The following PTK2B variants were observed in gnomAD, a reference collection of about 807,000 sequenced individuals.
The protein encoded by PTK2B is protein-tyrosine kinase 2-beta.
In PTK2B, 71 loss-of-function variants were observed where a neutral mutation model predicts 142.9. The ratio of observed to expected loss-of-function variants is 0.50; its 90% CI spans 0.41 to 0.61. The LOEUF (loss-of-function observed/expected upper bound fraction) is 0.61, where lower values mean the gene tolerates loss of function less well. Among genes scored for constraint, PTK2B ranks in the 20% least tolerant of loss-of-function variants. The pLI is 0.00. For missense variants in PTK2B, 1,105 were observed against 1,320.4 expected (o/e 0.84, Z 2.53); for synonymous variants, 519 against 503.4 (o/e 1.03, Z -0.42).
chr8:27,433,261 A>C (rs184515164), intron 10 of PTK2B, 174 bp from the exon 11 acceptor site: 1 of 621,662 alleles, frequency 1.6e-6, no homozygotes, highest in African/African-American at 1.8e-5. Flanking sequence ...GTACAGGTGA[A>C]AGGGGTGACA....
At chr8:27,435,546 A>G (rs1037676613) in intron 13 of PTK2B, among the ~76,000 whole-genome samples, 197 bp from the exon 14 acceptor site, 1 of 152,254 alleles carries the variant, frequency 6.6e-6, no homozygotes, top group African/African-American at 2.4e-5. Context: ...CGGGAAGCAG[A>G]GAGCAGGGAG....
intron 2 of PTK2B, among the ~76,000 whole-genome samples, chr8:27,406,382 A>G (rs1465865092): frequency 1.3e-5 from 2 of 152,046 alleles, no homozygotes; most frequent in African/African-American, 4.8e-5. Flanking sequence ...ACCCATTATG[A>G]CCTTCAATTC....
chr8:27,446,566 A>G (rs1422863156), intron 24 of PTK2B, among the ~76,000 whole-genome samples: 1 of 152,148 alleles, frequency 6.6e-6, no homozygotes, highest in Non-Finnish European at 1.5e-5. Context: ...ACTTTTGCTT[A>G]TAACCAGATG....
intron 1 of PTK2B, among the ~76,000 whole-genome samples, chr8:27,379,430 G>A (rs570716410): frequency 1.3e-5 from 2 of 152,222 alleles, no homozygotes; most frequent in African/African-American, 4.8e-5. Context: ...AGTCTTGCCT[G>A]TGGCCCAGGC....
intron 10 of PTK2B, 101 bp downstream of exon 10, chr8:27,432,462 C>G: frequency 9.5e-7 from 1 of 1,054,364 alleles, no homozygotes; most frequent in South Asian, 1.5e-5. Flanking sequence ...ACACAGGAAG[C>G]CAGGAGCTTC....
rs1050615857 is a variant in PTK2B at position 27,427,986 on chromosome 8, C to T, written c.552-2107C>T. 1.4e-4 allele frequency among the ~76,000 whole-genome samples: 21 copies of T among 152,030 alleles called. No homozygotes were observed. The East Asian group carries it at 3.5e-3, about 25-fold the overall frequency. ...GTGTACTTTATTTCTATTATTATTA[C>T]ATTATAATATATAATAAAATAAATA... On this transcript the variant is annotated intron_variant, in intron 5 of 30. Coordinates refer to ENST00000346049, the MANE Select transcript of PTK2B (RefSeq NM_173176.3).
In PTK2B at chr8:27,347,765, A is replaced by T. The variant is rs57174543; in HGVS notation, c.-38+22084A>T. Among the ~76,000 whole-genome samples the T allele has an allele frequency of 6.3e-4, 96 of 152,326 alleles. No homozygotes were observed. In the East Asian group the frequency reaches 8.9e-3, roughly 14 times the overall value. On this transcript the variant is annotated intron_variant, in intron 1 of 30. Transcript: ENST00000346049. ...CAACATAGGAATTTTGGGGGACACA[A>T]TTCAGCCAGAACATTCTATCTTAGC...
chr8:27,393,806 G>A (rs530854997), intron 1 of PTK2B, among the ~76,000 whole-genome samples: 3 of 151,924 alleles, frequency 2.0e-5, no homozygotes, highest in Admixed American at 6.6e-5. Context: ...CCAGAGTGGC[G>A]CATTTGTCAC....
At chr8:27,367,552 G>A (rs752231861) in intron 1 of PTK2B, among the ~76,000 whole-genome samples, 20 of 152,334 alleles carry the variant, frequency 1.3e-4, no homozygotes, top group South Asian at 8.3e-4. Context: ...GGCCTTGATG[G>A]GGAAAGTCCT....
upstream of PTK2B, among the ~76,000 whole-genome samples, chr8:27,323,811 G>A (rs1803282797): frequency 6.6e-6 from 1 of 152,152 alleles, no homozygotes. Flanking sequence ...GTAGATTTGG[G>A]AGATTCTTTT....
Position 27,430,948 on chromosome 8 carries a change from A to T in PTK2B, c.742A>T (p.Met248Leu). Residue 248 changes from methionine (M) to leucine (L), a missense_variant, in exon 8 of 31, where the codon ATG (methionine) becomes TTG (leucine). Transcript: ENST00000346049. ...CTCGCTCAGGGAGGAGGAGTGCGTC[A>T]TGAAGTTCTTCAACACTCTCGCCGG... ...YASLREEECV[M>L]KFFNTLAGFA... 2 of 1,614,230 alleles carry T rather than the reference A, an allele frequency of 1.2e-6. No homozygotes were observed. The highest frequency in any genetic ancestry group is 1.7e-6 in the Non-Finnish European group (2 of 1,180,046).
chr8:27,415,032 T>G (rs370072876), intron 2 of PTK2B, among the ~76,000 whole-genome samples: 1 of 152,208 alleles, frequency 6.6e-6, no homozygotes, highest in African/African-American at 2.4e-5. Context: ...GCGAAGGAGA[T>G]TGCTGTGTCA....
chr8:27,336,026 T>A (rs1465620038), intron 1 of PTK2B, among the ~76,000 whole-genome samples: 1 of 152,054 alleles, frequency 6.6e-6, no homozygotes, highest in Non-Finnish European at 1.5e-5. Context: ...GCTCGTGAGG[T>A]GCTCATTGTG....
At chr8:27,441,200 G>A (rs373255302) in intron 21 of PTK2B, among the ~76,000 whole-genome samples, 4 of 152,110 alleles carry the variant, frequency 2.6e-5, no homozygotes, top group African/African-American at 9.7e-5. Flanking sequence ...TCGATGAATG[G>A]GTGTAGCTGG....
In PTK2B at chr8:27,444,042, G is replaced by A. The variant is rs573815998; in HGVS notation, c.2149-164G>A. On this transcript the variant is annotated intron_variant, in intron 22 of 30. Transcript: ENST00000346049. Reference sequence around the variant, plus strand: ...CCTTCCACCACTCAGTAGATAATCAGTGCTCAATAAATGGATGCAAAATGA... The same window carrying A: ...CCTTCCACCACTCAGTAGATAATCAATGCTCAATAAATGGATGCAAAATGA... Among the ~76,000 whole-genome samples, 145 of 152,352 alleles carry A rather than the reference G, an allele frequency of 9.5e-4. 1 individual carries two copies. The highest frequency in any genetic ancestry group is 3.4e-3 in the Middle Eastern group (1 of 294).
chr8:27,390,621 A>G (rs545920881), intron 1 of PTK2B, among the ~76,000 whole-genome samples: 1 of 152,160 alleles, frequency 6.6e-6, no homozygotes, highest in Non-Finnish European at 1.5e-5. Context: ...AGCCTGAACA[A>G]CAGAGCAAGC....
In PTK2B at chr8:27,431,378, C is replaced by A. The variant is rs766986518; in HGVS notation, c.811-20C>A. The A allele has an allele frequency of 2.7e-5, 43 of 1,614,060 alleles. No individual in the cohort carries two copies. Among genetic ancestry groups the A allele is most frequent in the Non-Finnish European group, 3.1e-5 (36 of 1,180,038 alleles). On this transcript the variant is annotated intron_variant, in intron 8 of 30. Transcript: ENST00000346049. Reference sequence around the variant, plus strand: ...GGGAGGACAGCTCTGGAACAACAGTCCACTCTCCTTTTATTCCAGCAAGGA... The same window carrying A: ...GGGAGGACAGCTCTGGAACAACAGTACACTCTCCTTTTATTCCAGCAAGGA...
chr8:27,422,479 T>C (rs1809822894), intron 5 of PTK2B, 96 bp downstream of exon 5: 4 of 1,155,536 alleles, frequency 3.5e-6, no homozygotes, highest in African/African-American at 1.6e-5. Context: ...CAGGAATGAG[T>C]GTGTGGGAGC....
rs533828306 is a variant in PTK2B at position 27,442,857 on chromosome 8, T to C, written c.2040-18T>C. 1.4e-5 allele frequency: 22 copies of C among 1,603,722 alleles called. No homozygotes were observed. Among genetic ancestry groups the C allele is most frequent in the African/African-American group, 2.7e-5 (2 of 74,784 alleles). On this transcript the variant is annotated intron_variant, in intron 21 of 30. Transcript: ENST00000346049. ...CTTTGACCTAGTTTCTCTCCTTATC[T>C]GACGTGACTCCCTGCAGTGACGTTT... is the stretch of plus-strand genomic sequence containing the variant.
Sources: allele counts gnomAD v4.1 joint callset (sites outside exome capture counted in the v4.1 genomes callset), GRCh38; gene constraint gnomAD v4.1.1; transcripts MANE v1.5; gene names NCBI Gene and HGNC (gene_info 2026-07-23, HGNC 2026-07-21).